Variants in DENND1A observed in about 807,000 individuals in gnomAD.
The protein encoded by DENND1A is DENN domain containing 1A, also known as DENN domain-containing protein 1A.
Under a neutral mutation model 113.7 loss-of-function variants are expected in DENND1A, and 51 were observed. The observed-to-expected ratio is 0.45, with a 90% CI of 0.36 to 0.57. The LOEUF (loss-of-function observed/expected upper bound fraction) is 0.57. DENND1A is among the 20% of genes least tolerant of loss of function. The pLI, the probability that DENND1A is intolerant of heterozygous loss-of-function variation, is 0.00. For missense variants in DENND1A, 1,258 were observed against 1,395.9 expected (o/e 0.90, Z 1.57); for synonymous variants, 565 against 570.8 (o/e 0.99, Z 0.14).
chr9:123,597,687 A>G (rs1026759407), intron 11 of DENND1A, among the ~76,000 whole-genome samples: 5 of 152,186 alleles, frequency 3.3e-5, no homozygotes, highest in Admixed American at 6.5e-5. Flanking sequence ...TTAAACATTT[A>G]GCAATAGGTA....
At chr9:123,695,613 G>A (rs778601397) in intron 5 of DENND1A, among the ~76,000 whole-genome samples, 1 of 152,152 alleles carries the variant, frequency 6.6e-6, no homozygotes, top group African/African-American at 2.4e-5. Flanking sequence ...GCTAACAGGC[G>A]ATTCTGATAC....
At chr9:123,705,218 G>A (rs1351645435) in intron 5 of DENND1A, among the ~76,000 whole-genome samples, 1 of 152,138 alleles carries the variant, frequency 6.6e-6, no homozygotes, top group East Asian at 1.9e-4. Context: ...CTTAATCTAA[G>A]ACAGAATATC....
intron 13 of DENND1A, among the ~76,000 whole-genome samples, chr9:123,517,252 CAGAAAAA>C (rs1452903938): frequency 1.5e-5 from 2 of 135,546 alleles, no homozygotes; most frequent in East Asian, 4.3e-4. Flanking sequence ...GACTCCGTCT[CAGAAAAA>C]AAAAAAACAA....
At position 123,531,554 on chromosome 9, in the gene DENND1A, TACACACACACAC is replaced by T. The variant is rs57819030; in HGVS notation, c.993+26004_993+26015del. Among the ~76,000 whole-genome samples the T allele has an allele frequency of 3.6e-4, 37 of 103,192 alleles. 1 individual carries two copies. The highest frequency in any genetic ancestry group is 4.8e-4 in the East Asian group (2 of 4,132). The allele number at this position is 103,192 out of a possible 152,430, so 67.7% of individuals were successfully genotyped here. ...ATCCTTCTCTTCCCCCCTCTCTCTCTACACACACACACACACACACACACACACACACACACA... is the reference window on the plus strand; with the variant it reads ...ATCCTTCTCTTCCCCCCTCTCTCTCTACACACACACACACACACACACACA... On this transcript the variant is annotated intron_variant, in intron 13 of 23. Transcript: ENST00000394215.
At chr9:123,688,585 A>G (rs928370908) in intron 5 of DENND1A, among the ~76,000 whole-genome samples, 6 of 152,174 alleles carry the variant, frequency 3.9e-5, no homozygotes, top group African/African-American at 1.4e-4. Context: ...GCCGCCCTGA[A>G]AAGAGGTATG....
intron 13 of DENND1A, among the ~76,000 whole-genome samples, chr9:123,512,672 G>C (rs879500001): frequency 2.6e-5 from 4 of 152,334 alleles, no homozygotes; most frequent in South Asian, 2.1e-4. Flanking sequence ...GAAGCTTCTC[G>C]AATATGTGGG....
At chr9:123,510,575 T>C (rs1452911137) in intron 13 of DENND1A, among the ~76,000 whole-genome samples, 4 of 152,224 alleles carry the variant, frequency 2.6e-5, no homozygotes, top group Non-Finnish European at 5.9e-5. Context: ...GTGACCTGTA[T>C]GGGGGCACAC....
rs1396724371 is a variant in DENND1A, at chr9:123,422,481, A to C, written c.1489-10652T>G. Among the ~76,000 whole-genome samples, 4 of 152,046 alleles carry C rather than the reference A, an allele frequency of 2.6e-5. No individual in the cohort carries two copies. Among genetic ancestry groups the C allele is most frequent in the Non-Finnish European group, 5.9e-5 (4 of 68,022 alleles). ...ATTTCCCTAGTGTGTCTGTTAAAGA[A>C]AGATAGTCAGGTTCACCAGACAGAA... is the stretch of plus-strand genomic sequence containing the variant. On this transcript the variant is annotated intron_variant, in intron 19 of 23. Coordinates refer to ENST00000394215, the MANE Select transcript of DENND1A (RefSeq NM_001352964.2). The surrounding 1 kb of genome is among the most constrained non-coding windows in gnomAD (Gnocchi z 4.8).
At chr9:123,820,692 T>C (rs1409839756) in intron 2 of DENND1A, among the ~76,000 whole-genome samples, 1 of 152,210 alleles carries the variant, frequency 6.6e-6, no homozygotes. Flanking sequence ...AAAAATTAAA[T>C]TTTTTTATTG....
chr9:123,653,406 T>C (rs780863635), intron 8 of DENND1A, among the ~76,000 whole-genome samples: 16 of 152,188 alleles, frequency 1.1e-4, no homozygotes, highest in Non-Finnish European at 1.9e-4. Flanking sequence ...GGTCAGCAAC[T>C]GGCAAAGTCA....
At chr9:123,928,187 ATT>A (rs530005985) in intron 1 of DENND1A, among the ~76,000 whole-genome samples, 4 of 152,248 alleles carry the variant, frequency 2.6e-5, no homozygotes, top group Non-Finnish European at 5.9e-5. Flanking sequence ...TGAGAAATGT[ATT>A]TGTCAACCTG....
chr9:123,674,648 T>C (rs1303362545), intron 6 of DENND1A, among the ~76,000 whole-genome samples: 1 of 152,156 alleles, frequency 6.6e-6, no homozygotes. Flanking sequence ...TAAAACATGT[T>C]ACTGATCTCA....
At chr9:123,563,278 G>C (rs541133082) in intron 12 of DENND1A, among the ~76,000 whole-genome samples, 3 of 151,982 alleles carry the variant, frequency 2.0e-5, no homozygotes. Flanking sequence ...GCCTTCACCC[G>C]ACCGTGTACC....
chr9:123,409,863 G>A (rs2044167128), intron 20 of DENND1A, among the ~76,000 whole-genome samples: 1 of 152,054 alleles, frequency 6.6e-6, no homozygotes, highest in African/African-American at 2.4e-5. Flanking sequence ...AGGCTGAGGC[G>A]GGCGGATCAC....
At chr9:123,424,152 A>G (rs2045533793) in intron 19 of DENND1A, among the ~76,000 whole-genome samples, 2 of 152,092 alleles carry the variant, frequency 1.3e-5, no homozygotes, top group South Asian at 4.1e-4. Context: ...GGGGAGCTGT[A>G]CCCTCTTTCC....
At chr9:123,512,357 C>T (rs2053529245) in intron 13 of DENND1A, among the ~76,000 whole-genome samples, 1 of 152,180 alleles carries the variant, frequency 6.6e-6, no homozygotes, top group Non-Finnish European at 1.5e-5. Flanking sequence ...GAGCGTGGCC[C>T]CTGGCCATGG....
intron 13 of DENND1A, among the ~76,000 whole-genome samples, chr9:123,507,627 T>G (rs1161718486): frequency 2.6e-5 from 4 of 150,966 alleles, no homozygotes; most frequent in Non-Finnish European, 5.9e-5. Flanking sequence ...GGGGGGCAGC[T>G]CGCTTAAACC....
intron 5 of DENND1A, among the ~76,000 whole-genome samples, chr9:123,727,876 G>T (rs2067822675): frequency 6.6e-6 from 1 of 152,004 alleles, no homozygotes; most frequent in African/African-American, 2.4e-5. Context: ...GGAGGCTGAG[G>T]CAGGCAGATC....
At chr9:123,799,448 G>C (rs1007433089) in intron 2 of DENND1A, among the ~76,000 whole-genome samples, 1 of 152,136 alleles carries the variant, frequency 6.6e-6, no homozygotes, top group Admixed American at 6.5e-5. Context: ...AGAACACACA[G>C]AATTAAACAA....
Sources: allele counts gnomAD v4.1 joint callset (sites outside exome capture counted in the v4.1 genomes callset), GRCh38; gene constraint gnomAD v4.1.1; non-coding constraint Gnocchi (gnomAD v3.1); transcripts MANE v1.5; gene names NCBI Gene and HGNC (gene_info 2026-07-23, HGNC 2026-07-21).